NRXN3: variants seen among roughly 807,000 people sequenced by gnomAD.
NRXN3 encodes the protein neurexin III.
In NRXN3, 32 loss-of-function variants were observed where a neutral mutation model predicts 137.6. That is an observed-to-expected ratio of 0.23 (90% CI 0.18 to 0.31). NRXN3 has a LOEUF of 0.31. NRXN3 is among the 10% of genes least tolerant of loss of function. The pLI is 1.00. For missense variants in NRXN3, 1,574 were observed against 2,062.5 expected, an observed-to-expected ratio of 0.76 and a Z score of 4.59; for synonymous variants, 798 against 784.5, an observed-to-expected ratio of 1.02 and a Z score of -0.29.
chr14:79,037,635 C>T (rs1369548533), intron 15 of NRXN3, among the ~76,000 whole-genome samples: 1 of 152,114 alleles, frequency 6.6e-6, no homozygotes, highest in African/African-American at 2.4e-5. Context: ...GCTCAGTATT[C>T]TCCCTCTCCC....
At chr14:78,377,719 G>C (rs533614156) in intron 4 of NRXN3, among the ~76,000 whole-genome samples, 7 of 152,228 alleles carry the variant, frequency 4.6e-5, no homozygotes, top group African/African-American at 1.7e-4. Context: ...GCCTTTCCTT[G>C]GTGTGCCTGC....
At chr14:78,835,938 T>C (rs564825706) in intron 10 of NRXN3, among the ~76,000 whole-genome samples, 6 of 152,224 alleles carry the variant, frequency 3.9e-5, no homozygotes, top group African/African-American at 1.4e-4. Flanking sequence ...TAATCAAGAC[T>C]CCTTCCAGCC....
chr14:78,232,064 T>C (rs1037402136), intron 1 of NRXN3, among the ~76,000 whole-genome samples: 3 of 152,250 alleles, frequency 2.0e-5, no homozygotes, highest in African/African-American at 7.2e-5. Flanking sequence ...TTGCTGCCCC[T>C]GCTTCCTGCC....
intron 15 of NRXN3, among the ~76,000 whole-genome samples, chr14:79,417,814 A>G (rs1219924003): frequency 6.6e-6 from 1 of 152,188 alleles, no homozygotes; most frequent in African/African-American, 2.4e-5. Context: ...GCTCAAAAAC[A>G]CATACTTCCA....
chr14:78,246,411 G>T (rs541777571), intron 2 of NRXN3, among the ~76,000 whole-genome samples: 1 of 151,762 alleles, frequency 6.6e-6, no homozygotes, highest in African/African-American at 2.4e-5. Context: ...ATCATCTCCT[G>T]GCTACGGATT....
At chr14:78,724,310 C>G (rs2098473318) in intron 8 of NRXN3, among the ~76,000 whole-genome samples, 1 of 152,160 alleles carries the variant, frequency 6.6e-6, no homozygotes, top group African/African-American at 2.4e-5. Context: ...TTTAATCCCA[C>G]CAAGGACTGT....
intron 10 of NRXN3, among the ~76,000 whole-genome samples, chr14:78,913,073 C>T (rs1044670528): frequency 2.0e-5 from 3 of 151,868 alleles, no homozygotes; most frequent in African/African-American, 7.3e-5. Flanking sequence ...AGAGGCAAGG[C>T]AAACACTAAA....
At chr14:79,128,480 T>G (rs1170189628) in intron 15 of NRXN3, among the ~76,000 whole-genome samples, 2 of 151,154 alleles carry the variant, frequency 1.3e-5, no homozygotes, top group Non-Finnish European at 3.0e-5. Flanking sequence ...GGATTACATT[T>G]ATTGATTTGT....
intron 10 of NRXN3, among the ~76,000 whole-genome samples, chr14:78,841,972 T>C (rs1403697663): frequency 1.3e-5 from 2 of 152,168 alleles, no homozygotes; most frequent in Non-Finnish European, 1.5e-5. Flanking sequence ...AATTTCATGC[T>C]GCAAAGTACT....
intron 15 of NRXN3, among the ~76,000 whole-genome samples, chr14:79,133,653 C>T (rs575667707): frequency 6.4e-4 from 98 of 152,218 alleles, no homozygotes; most frequent in African/African-American, 1.8e-3. Flanking sequence ...CAGCCCAGCA[C>T]GGTGGCTCAT....
chr14:78,621,005 C>A (rs1460911183), intron 4 of NRXN3, among the ~76,000 whole-genome samples: 2 of 152,082 alleles, frequency 1.3e-5, no homozygotes, highest in Non-Finnish European at 2.9e-5. Flanking sequence ...GAAGGATCAA[C>A]CAATATTTTA....
intron 19 of NRXN3, among the ~76,000 whole-genome samples, chr14:79,729,071 A>G (rs2098910585): frequency 1.3e-5 from 2 of 152,224 alleles, no homozygotes; most frequent in African/African-American, 4.8e-5. Flanking sequence ...CCATGGTGAC[A>G]TGTGTGCCAC....
intron 16 of NRXN3, among the ~76,000 whole-genome samples, chr14:79,552,428 TTTAACAA>T (rs1249877160): frequency 6.6e-6 from 1 of 152,164 alleles, no homozygotes; most frequent in East Asian, 1.9e-4. Context: ...TGTAAAGGAA[TTTAACAA>T]AGTGGCTAAT....
In NRXN3 at chr14:79,090,862, T is replaced by G. The variant is rs115740535; in HGVS notation, c.3262+102721T>G. On this transcript the variant is annotated intron_variant, in intron 15 of 20. Transcript: ENST00000335750. Reference sequence around the variant, plus strand: ...CCTGTCATGGATGTTGACTGAAAATTTCCCAGCATTTACAGCCTAGAATTT... The same window carrying G: ...CCTGTCATGGATGTTGACTGAAAATGTCCCAGCATTTACAGCCTAGAATTT... Among the ~76,000 whole-genome samples the G allele has an allele frequency of 6.1e-3, 935 of 152,196 alleles. 10 individuals are homozygous for G. The highest frequency in any genetic ancestry group is 0.021 in the African/African-American group (887 of 41,526).
intron 4 of NRXN3, among the ~76,000 whole-genome samples, chr14:78,469,606 A>T (rs191110814): frequency 2.0e-5 from 3 of 152,258 alleles, no homozygotes; most frequent in Admixed American, 2.0e-4. Context: ...ATACACTTCG[A>T]AGACCCAACC....
intron 19 of NRXN3, among the ~76,000 whole-genome samples, chr14:79,740,764 ATAT>A (rs2098960336): frequency 3.0e-5 from 3 of 99,354 alleles, no homozygotes; most frequent in African/African-American, 7.5e-5. Flanking sequence ...ATATATATAT[ATAT>A]AACCTTACTT....
rs1412895554 is a variant in NRXN3 at position 78,810,686 on chromosome 14, A to G, written c.2275+342A>G. Among the ~76,000 whole-genome samples the G allele has an allele frequency of 2.0e-5, 3 of 152,208 alleles. No individual in the cohort carries two copies. The East Asian group carries it at 5.8e-4, about 29-fold the overall frequency. On this transcript the variant is annotated intron_variant, in intron 10 of 20. Coordinates refer to ENST00000335750, the MANE Select transcript of NRXN3 (RefSeq NM_001330195.2). ...TGGGAGGTAACTCTGAGAGTGAACAAAAAGCTTTAGGGCAACCAGCATGCA... is the reference window on the plus strand; with the variant it reads ...TGGGAGGTAACTCTGAGAGTGAACAGAAAGCTTTAGGGCAACCAGCATGCA...
rs1432264615 is a variant in NRXN3 at position 78,531,919 on chromosome 14, C to A, written c.758-113201C>A. Among the ~76,000 whole-genome samples, 3 of 151,998 alleles carry A rather than the reference C, an allele frequency of 2.0e-5. No homozygotes were observed. In the East Asian group the frequency reaches 5.8e-4, roughly 29 times the overall value. On this transcript the variant is annotated intron_variant, in intron 4 of 20. Coordinates refer to ENST00000335750, the MANE Select transcript of NRXN3 (RefSeq NM_001330195.2). ...TCTGCTTTGTGATGGTCTCCCAATC[C>A]CATCTCCTTCAATGACAGCTCCAAA...
At chr14:79,611,495 G>A (rs1301793316) in intron 16 of NRXN3, 1 of 152,364 alleles carries the variant, frequency 6.6e-6, no homozygotes, top group African/African-American at 2.4e-5. Context: ...AGCTACCTGG[G>A]AGACTGAGGC....
Sources: gnomAD v4.1 joint callset for allele counts (sites outside exome capture counted in the v4.1 genomes callset) on GRCh38, gnomAD v4.1.1 for gene constraint, MANE v1.5 for transcripts, NCBI Gene and HGNC (gene_info 2026-07-23, HGNC 2026-07-21) for gene names.